Variants in MAGI1 observed in about 807,000 individuals in gnomAD.
MAGI1 encodes membrane associated guanylate kinase, WW and PDZ domain containing 1, also known as membrane-associated guanylate kinase, WW and PDZ domain-containing protein 1.
MAGI1 carries 58 observed loss-of-function variants against 139.9 expected under a neutral mutation model. That is an observed-to-expected ratio of 0.41 (90% confidence interval 0.34 to 0.52). MAGI1 has a LOEUF of 0.52. MAGI1 is among the 20% of genes least tolerant of loss of function. The probability of loss-of-function intolerance (pLI) is 0.12; values close to 1 mark genes in which losing one functional copy is unlikely to be tolerated. For missense variants in MAGI1, 1,874 were observed against 1,901.6 expected, an observed-to-expected ratio of 0.99 and a Z score of 0.27; for synonymous variants, 812 against 737.9, an observed-to-expected ratio of 1.10 and a Z score of -1.63.
chr3:65,688,348 T>G (rs753529090), intron 1 of MAGI1: 28 of 652,062 alleles, frequency 4.3e-5, no homozygotes, highest in Admixed American at 1.8e-4. Context: ...GATGGAGTGA[T>G]AGTAACACCT....
chr3:65,464,926 C>T (rs911950681), intron 5 of MAGI1, among the ~76,000 whole-genome samples: 1 of 150,120 alleles, frequency 6.7e-6, no homozygotes, highest in Non-Finnish European at 1.5e-5. Context: ...AGTATATCTC[C>T]TTTGTATAGC....
chr3:65,696,276 T>G (rs2089179438), intron 1 of MAGI1, among the ~76,000 whole-genome samples: 1 of 152,206 alleles, frequency 6.6e-6, no homozygotes, highest in South Asian at 2.1e-4. Context: ...CATCACTTTC[T>G]GCCATTTCAT....
At chr3:65,618,487 T>C (rs950826563) in intron 2 of MAGI1, among the ~76,000 whole-genome samples, 3 of 152,210 alleles carry the variant, frequency 2.0e-5, no homozygotes, top group Non-Finnish European at 2.9e-5. Context: ...TAAGGTATTG[T>C]GCCTTCCATT....
At chr3:65,529,327 C>G in intron 2 of MAGI1, among the ~76,000 whole-genome samples, 1 of 152,082 alleles carries the variant, frequency 6.6e-6, no homozygotes, top group Non-Finnish European at 1.5e-5. Flanking sequence ...CATTTCATCA[C>G]CACAAACAGA....
chr3:65,587,572 C>A (rs1401367794), intron 2 of MAGI1, among the ~76,000 whole-genome samples: 2 of 150,524 alleles, frequency 1.3e-5, no homozygotes, highest in African/African-American at 2.5e-5. Context: ...CAACCCCTAC[C>A]TCCTGGGCTT....
At chr3:65,907,908 G>T (rs527523301) in intron 1 of MAGI1, among the ~76,000 whole-genome samples, 1 of 152,146 alleles carries the variant, frequency 6.6e-6, no homozygotes, top group African/African-American at 2.4e-5. Context: ...AACTTAAAAT[G>T]TCCCCTGTCA....
At chr3:65,792,805 A>G (rs1284785827) in intron 1 of MAGI1, among the ~76,000 whole-genome samples, 3 of 152,096 alleles carry the variant, frequency 2.0e-5, no homozygotes, top group African/African-American at 4.8e-5. Flanking sequence ...ATTTCTGAAA[A>G]TTTCCATTGG....
chr3:65,849,474 T>TATATATATATCATCAAATATAC (rs2059129493), intron 1 of MAGI1, among the ~76,000 whole-genome samples: 1 of 146,074 alleles, frequency 6.8e-6, no homozygotes, highest in Non-Finnish European at 1.5e-5. Flanking sequence ...CTTTCATATA[T>TATATATATATCATCAAATATAC]ATATATATAT....
At chr3:65,543,858 A>C (rs1361047825) in intron 2 of MAGI1, among the ~76,000 whole-genome samples, 1 of 152,184 alleles carries the variant, frequency 6.6e-6, no homozygotes, top group Non-Finnish European at 1.5e-5. Context: ...CTATGTAACA[A>C]ATCTGCACAT....
intron 1 of MAGI1, among the ~76,000 whole-genome samples, chr3:65,963,602 C>T (rs547743113): frequency 2.0e-5 from 3 of 151,900 alleles, no homozygotes; most frequent in South Asian, 2.1e-4. Context: ...GGTGACAAAG[C>T]GAGACTCAGT....
intron 1 of MAGI1, among the ~76,000 whole-genome samples, chr3:65,968,562 G>GGT (rs1230822404): frequency 2.0e-5 from 3 of 151,520 alleles, no homozygotes; most frequent in Non-Finnish European, 4.4e-5. Context: ...TTTAAAATAA[G>GGT]GTGTGTGTGT....
chr3:65,458,815 C>T (rs1214857457), intron 5 of MAGI1, among the ~76,000 whole-genome samples: 1 of 152,046 alleles, frequency 6.6e-6, no homozygotes. Context: ...TGATGTGATC[C>T]CATTTGTCCA....
At chr3:65,425,964 G>A (rs1947013497) in intron 12 of MAGI1, among the ~76,000 whole-genome samples, 2 of 152,152 alleles carry the variant, frequency 1.3e-5, no homozygotes, top group African/African-American at 4.8e-5. Context: ...GTCTCTAGAT[G>A]CACACTGATG....
At chr3:65,909,565 G>T (rs2061575002) in intron 1 of MAGI1, among the ~76,000 whole-genome samples, 1 of 151,790 alleles carries the variant, frequency 6.6e-6, no homozygotes, top group Non-Finnish European at 1.5e-5. Flanking sequence ...GTGTGGTGGT[G>T]GGTGCCTATA....
At chr3:65,882,934 CAAAAAAA>C (rs10574443) in intron 1 of MAGI1, among the ~76,000 whole-genome samples, 2 of 87,022 alleles carry the variant, frequency 2.3e-5, no homozygotes, top group African/African-American at 6.9e-5. Flanking sequence ...GACCCTGTCT[CAAAAAAA>C]AAAAAAAAAA....
intron 1 of MAGI1, among the ~76,000 whole-genome samples, chr3:65,815,039 A>T (rs2041512356): frequency 6.6e-6 from 1 of 152,178 alleles, no homozygotes; most frequent in Non-Finnish European, 1.5e-5. Flanking sequence ...CTGTATTTCT[A>T]AGTCCTGCCT....
In MAGI1 at chr3:66,038,166, G is replaced by C. The variant is rs766259685; in HGVS notation, c.143C>G (p.Ala48Gly). 1 of 1,611,862 alleles carries C rather than the reference G, an allele frequency of 6.2e-7. No individual in the cohort carries two copies. The highest frequency in any genetic ancestry group is 1.7e-5 in the Admixed American group (1 of 59,968). ...HGEFPYVGAVAAVEAAGLPGG... is the reference protein window; with the variant it reads ...HGEFPYVGAVGAVEAAGLPGG... ...GGGAAGCCCCGCTGCCTCGACCGCC[G>C]CCACCGCTCCGACGTACGGAAACTC... The change falls in exon 1 of 23, where the codon GCG becomes GGG. Residue 48 changes from alanine to glycine, a missense_variant. This residue lies in a region of MAGI1 where 648 missense variants were observed against 598.1 expected (regional missense o/e 1.08). Transcript: ENST00000402939.
Position 65,478,584 on chromosome 3 carries a change from A to T in MAGI1, c.757+8T>A. ...GGTCCATTGAGGGCAACATGATCTG[A>T]CCTTTACCTGTAAAGCTGCTGTTCA... On this transcript the variant is annotated splice_region_variant and intron_variant, in intron 4 of 22. Coordinates refer to ENST00000402939, the MANE Select transcript of MAGI1 (RefSeq NM_001033057.2). The T allele has an allele frequency of 6.2e-7, 1 of 1,613,100 alleles. No homozygotes were observed. Among genetic ancestry groups the T allele is most frequent in the Non-Finnish European group, 8.5e-7 (1 of 1,179,342 alleles).
intron 9 of MAGI1, among the ~76,000 whole-genome samples, chr3:65,438,163 T>C (rs1000360146): frequency 6.6e-6 from 1 of 152,264 alleles, no homozygotes; most frequent in Non-Finnish European, 1.5e-5. Flanking sequence ...AAAGAAAATG[T>C]GGTATGTATG....
Sources: allele counts gnomAD v4.1 joint callset (sites outside exome capture counted in the v4.1 genomes callset), GRCh38; gene constraint gnomAD v4.1.1; regional missense constraint gnomAD v4.1.1; transcripts MANE v1.5; gene names NCBI Gene and HGNC (gene_info 2026-07-23, HGNC 2026-07-21).